SLX4IP: variants seen among roughly 807,000 people sequenced by gnomAD.
The protein encoded by SLX4IP is protein SLX4IP.
Under a neutral mutation model 32.9 loss-of-function variants are expected in SLX4IP, and 34 were observed. That is an observed-to-expected ratio of 1.03 (90% CI 0.79 to 1.38). The LOEUF is 1.38. Among genes scored for constraint, SLX4IP ranks in the 40% most tolerant of loss-of-function variants. The pLI, the probability that SLX4IP is intolerant of heterozygous loss-of-function variation, is 0.00. For synonymous variants in SLX4IP, 172 were observed against 171.7 expected, an observed-to-expected ratio of 1.00 and a Z score of -0.01; for missense variants, 444 against 479.0, an observed-to-expected ratio of 0.93 and a Z score of 0.68.
intron 1 of SLX4IP, among the ~76,000 whole-genome samples, chr20:10,442,497 A>G (rs1204458040): frequency 3.3e-5 from 5 of 152,238 alleles, no homozygotes; most frequent in Non-Finnish European, 7.3e-5. Flanking sequence ...AGAATGCACA[A>G]TAGAAGATGA....
Position 10,597,902 on chromosome 20 carries a change from A to G in SLX4IP, c.239-773A>G, listed in dbSNP as rs568439589. Among the ~76,000 whole-genome samples, 9 of 152,152 alleles carry G rather than the reference A, an allele frequency of 5.9e-5. No individual in the cohort carries two copies. The South Asian group carries it at 1.9e-3, about 32-fold the overall frequency. On this transcript the variant is annotated intron_variant, in intron 4 of 7. Transcript: ENST00000334534. ...GCCACTCTGGTGAGTTGGAGAAATT[A>G]TTTTTTTACTCATGTCATATTTCTT...
intron 2 of SLX4IP, among the ~76,000 whole-genome samples, chr20:10,494,167 T>C (rs914825421): frequency 4.6e-5 from 7 of 151,740 alleles, no homozygotes; most frequent in Admixed American, 3.9e-4. Flanking sequence ...CTTTCTTTTT[T>C]TGTTGTTGTT....
At chr20:10,490,310 G>A (rs1042673538) in intron 2 of SLX4IP, among the ~76,000 whole-genome samples, 11 of 151,588 alleles carry the variant, frequency 7.3e-5, no homozygotes, top group African/African-American at 7.3e-5. Context: ...TTCCATTTCC[G>A]GGTCTGTCCC....
chr20:10,443,851 T>A lies in SLX4IP; in HGVS notation c.-30+8398T>A, dbSNP rs563142502. The stretch of plus-strand genomic sequence containing the variant: ...TGGTTGTTTAAAAGTGTATAGTACC[T>A]CTCTCTTCTCTCTCTTCCTCCTGCT... On this transcript the variant is annotated intron_variant, in intron 1 of 7. Coordinates refer to ENST00000334534, the MANE Select transcript of SLX4IP (RefSeq NM_001009608.3). 4.7e-3 allele frequency among the ~76,000 whole-genome samples: 717 copies of A among 152,200 alleles called. 16 individuals are homozygous for A. The South Asian group carries it at 0.069, about 15-fold the overall frequency.
intron 1 of SLX4IP, among the ~76,000 whole-genome samples, chr20:10,447,866 ATTTTTTTT>A (rs35397723): frequency 8.4e-6 from 1 of 119,544 alleles, no homozygotes; most frequent in African/African-American, 3.2e-5. Flanking sequence ...CACCTGGCTG[ATTTTTTTT>A]TTTTTTTTTT....
At chr20:10,520,917 T>C (rs1456287614) in intron 2 of SLX4IP, among the ~76,000 whole-genome samples, 5 of 152,212 alleles carry the variant, frequency 3.3e-5, no homozygotes, top group Non-Finnish European at 7.3e-5. Context: ...ATAGACTCTT[T>C]TGGCTGTTTC....
intron 4 of SLX4IP, among the ~76,000 whole-genome samples, chr20:10,572,015 A>G (rs1397199344): frequency 6.6e-6 from 1 of 152,090 alleles, no homozygotes; most frequent in Non-Finnish European, 1.5e-5. Flanking sequence ...TAGTATTACT[A>G]TCCTGCCCAG....
chr20:10,576,714 A>T (rs779870501), intron 4 of SLX4IP, among the ~76,000 whole-genome samples: 3 of 152,174 alleles, frequency 2.0e-5, no homozygotes, highest in Non-Finnish European at 2.9e-5. Context: ...GTAAATGTGT[A>T]TATTTGTGTG....
chr20:10,542,846 G>A (rs1238710311), intron 2 of SLX4IP, among the ~76,000 whole-genome samples: 1 of 152,148 alleles, frequency 6.6e-6, no homozygotes, highest in African/African-American at 2.4e-5. Context: ...CCCAGATCCA[G>A]TTTTTGCTAC....
chr20:10,490,974 A>G (rs527511421), intron 2 of SLX4IP, among the ~76,000 whole-genome samples: 4 of 152,038 alleles, frequency 2.6e-5, no homozygotes, highest in Non-Finnish European at 5.9e-5. Context: ...GAAGCAAGCT[A>G]CTTGTAATTC....
At chr20:10,617,736 C>A (rs2067055378) in intron 6 of SLX4IP, among the ~76,000 whole-genome samples, 1 of 145,788 alleles carries the variant, frequency 6.9e-6, no homozygotes, top group Admixed American at 7.1e-5. Context: ...GCGGCCTTGA[C>A]CTCCTGGGCT....
At position 10,626,053 on chromosome 20, in the gene SLX4IP, C is replaced by G. The variant is rs1159934224; in HGVS notation, c.*2674C>G. On this transcript the variant is annotated 3_prime_UTR_variant, in exon 8 of 8. Transcript: ENST00000334534. ...TTTTTGAGACAGAGTCTCGCTCTGT[C>G]GCCCAGGCTGGAGTGCAGTGGGGCG... is the stretch of plus-strand genomic sequence containing the variant. 5 of 127,604 alleles carry G rather than the reference C, an allele frequency of 3.9e-5. No individual in the cohort carries two copies. Among genetic ancestry groups the G allele is most frequent in the Admixed American group, 9.5e-5 (1 of 10,524 alleles). The allele number at this position is 127,604 out of a possible 1,614,324, so 7.9% of individuals were successfully genotyped here.
chr20:10,571,682 A>T (rs2066467976), intron 4 of SLX4IP, among the ~76,000 whole-genome samples: 1 of 152,180 alleles, frequency 6.6e-6, no homozygotes, highest in South Asian at 2.1e-4. Context: ...TGAGGACAGG[A>T]GTCTTGTCCT....
At chr20:10,571,289 C>T (rs1691785998) in intron 4 of SLX4IP, among the ~76,000 whole-genome samples, 1 of 152,190 alleles carries the variant, frequency 6.6e-6, no homozygotes, top group Non-Finnish European at 1.5e-5. Flanking sequence ...TGCAGTCTTC[C>T]AGCTAGACCT....
At chr20:10,496,503 T>C (rs552447964) in intron 2 of SLX4IP, among the ~76,000 whole-genome samples, 4 of 152,186 alleles carry the variant, frequency 2.6e-5, no homozygotes, top group Admixed American at 2.0e-4. Flanking sequence ...AACCTAGAGG[T>C]GGACCTACCA....
At chr20:10,456,295 T>G (rs1310364265) in intron 1 of SLX4IP, among the ~76,000 whole-genome samples, 1 of 152,152 alleles carries the variant, frequency 6.6e-6, no homozygotes, top group Admixed American at 6.6e-5. Context: ...TGTACCATAC[T>G]GTTTTGATTG....
chr20:10,580,406 T>G (rs1368290694), intron 4 of SLX4IP, among the ~76,000 whole-genome samples: 2 of 151,908 alleles, frequency 1.3e-5, no homozygotes, highest in Admixed American at 1.3e-4. Context: ...ATGCTCCTGA[T>G]GCTTTAATCC....
At chr20:10,494,310 G>A (rs930968243) in intron 2 of SLX4IP, among the ~76,000 whole-genome samples, 2 of 151,128 alleles carry the variant, frequency 1.3e-5, no homozygotes, top group South Asian at 2.1e-4. Context: ...GTTCTAGGGC[G>A]GAGGATGGAA....
chr20:10,544,189 C>A, intron 2 of SLX4IP, among the ~76,000 whole-genome samples: 1 of 152,044 alleles, frequency 6.6e-6, no homozygotes, highest in East Asian at 1.9e-4. Flanking sequence ...TTTACAGCCC[C>A]CTTTCTTTTC....
Sources: gnomAD v4.1 joint callset for allele counts (sites outside exome capture counted in the v4.1 genomes callset) on GRCh38, gnomAD v4.1.1 for gene constraint, MANE v1.5 for transcripts, NCBI Gene and HGNC (gene_info 2026-07-23, HGNC 2026-07-21) for gene names.